The following HOPX variants were observed in gnomAD, a reference collection of about 807,000 sequenced individuals.
HOPX encodes the protein HOP homeobox, also known as homeodomain-only protein.
HOPX carries 5 observed loss-of-function variants against 11.8 expected under a neutral mutation model. That is an observed-to-expected ratio of 0.43 (90% confidence interval 0.22 to 0.89). The LOEUF (loss-of-function observed/expected upper bound fraction) is 0.89. Ranked by LOEUF, HOPX falls within the 40% of genes least tolerant of loss-of-function variation. HOPX has a pLI of 0.28. For missense variants in HOPX, 119 were observed against 120.0 expected, an observed-to-expected ratio of 0.99 and a Z score of 0.04; for synonymous variants, 49 against 49.7, an observed-to-expected ratio of 0.99 and a Z score of 0.06.
At chr4:56,668,670 T>C (rs1456864352) in intron 1 of HOPX, among the ~76,000 whole-genome samples, 2 of 152,270 alleles carry the variant, frequency 1.3e-5, no homozygotes, top group Non-Finnish European at 2.9e-5. Context: ...TGCCTGGCTC[T>C]GAAAGAAGAT....
intron 1 of HOPX, among the ~76,000 whole-genome samples, chr4:56,661,523 G>A (rs1037188910): frequency 1.4e-4 from 22 of 152,252 alleles, no homozygotes; most frequent in Admixed American, 5.2e-4. Flanking sequence ...ACAATATAAC[G>A]TCAACTTGTA....
At chr4:56,675,380 C>T (rs897699308) in intron 1 of HOPX, among the ~76,000 whole-genome samples, 9 of 151,560 alleles carry the variant, frequency 5.9e-5, no homozygotes, top group Non-Finnish European at 1.0e-4. Flanking sequence ...TAGTTCATTG[C>T]TCAGGCCAGG....
chr4:56,657,084 A>G, intron 2 of HOPX, among the ~76,000 whole-genome samples: 1 of 152,224 alleles, frequency 6.6e-6, no homozygotes, highest in East Asian at 1.9e-4. Context: ...ATTTGAAGCA[A>G]CATGACTTCC....
chr4:56,665,499 A>G lies in HOPX; in HGVS notation c.-83-7600T>C, dbSNP rs984002149. On this transcript the variant is annotated intron_variant, in intron 1 of 3. Coordinates refer to ENST00000420433, the MANE Select transcript of HOPX (RefSeq NM_032495.6). ...GCTCTGTGTTCAACAAGGACTAGCC[A>G]AAATGTAAAATTGGAGAAAATAACA... 3 of 152,230 alleles carry G rather than the reference A, an allele frequency of 2.0e-5. No individual in the cohort carries two copies. The East Asian group carries it at 5.8e-4, about 29-fold the overall frequency. 9.4% of individuals were successfully genotyped at this position (152,230 alleles called of 1,614,324 possible). A position where few individuals can be genotyped will look rare whatever the true frequency, so the allele number is the denominator to read the frequency against.
At chr4:56,652,627 G>A (rs1182590610) in intron 3 of HOPX, among the ~76,000 whole-genome samples, 1 of 152,104 alleles carries the variant, frequency 6.6e-6, no homozygotes, top group Non-Finnish European at 1.5e-5. Context: ...AGGCAACATA[G>A]TGAGACCCCC....
intron 3 of HOPX, among the ~76,000 whole-genome samples, chr4:56,653,218 T>A (rs1212257371): frequency 6.6e-6 from 1 of 151,924 alleles, no homozygotes; most frequent in African/African-American, 2.4e-5. Context: ...TTTTACTTTT[T>A]TATTTTTTAT....
chr4:56,670,154 G>A (rs115716099), intron 1 of HOPX, among the ~76,000 whole-genome samples: 2,510 of 152,266 alleles, frequency 0.016, 32 homozygotes, highest in Non-Finnish European at 0.028. Flanking sequence ...ATCTCCAACA[G>A]AGTCAATCCT....
intron 1 of HOPX, among the ~76,000 whole-genome samples, chr4:56,670,956 C>T (rs564839370): frequency 6.6e-6 from 1 of 151,178 alleles, no homozygotes; most frequent in South Asian, 2.1e-4. Context: ...GAGATTGTGC[C>T]GTTGCACTCC....
intron 1 of HOPX, chr4:56,664,956 T>C (rs1179788508): frequency 6.6e-6 from 1 of 152,120 alleles, no homozygotes; most frequent in African/African-American, 2.4e-5. Context: ...CAAATGGAAA[T>C]TCTTTGTTTT....
rs568635492 is a variant in HOPX at position 56,648,766 on chromosome 4, C to T, written c.230G>A (p.Arg77Gln). 8.7e-6 allele frequency: 14 copies of T among 1,610,122 alleles called. No homozygotes were observed. The highest frequency in any genetic ancestry group is 5.5e-5 in the South Asian group (5 of 90,784). ...KWFKQRLAKWRRSEGLPSECR... is the reference protein window; with the variant it reads ...KWFKQRLAKWQRSEGLPSECR... ...CTCTGAGGGCAGGCCTTCTGAGCGC[C>T]GCCACTTTGCCAGGCGCTGCTTAAA... The change falls in exon 4 of 4, where the codon CGG (arginine) becomes CAG (glutamine). Residue 77 changes from arginine to glutamine, a missense_variant. By Grantham distance (43) the Arg-to-Gln change is conservative. Transcript: ENST00000420433.
rs1364069470 is a variant in HOPX, at chr4:56,681,254, C to T, written c.-84+1G>A. 2.1e-5 allele frequency: 21 copies of T among 985,236 alleles called. No individual in the cohort carries two copies. Among genetic ancestry groups the T allele is most frequent in the Non-Finnish European group, 2.4e-5 (20 of 829,914 alleles). The allele number at this position is 985,236 out of a possible 1,614,324, so 61.0% of individuals were successfully genotyped here. A position where few individuals can be genotyped will look rare whatever the true frequency, so the allele number is the denominator to read the frequency against. Reference sequence around the variant, plus strand: ...AAGGCAGACCTTTGAAAGGTACTTACGTGGAAGAGGCAAAGGCAAGCGCAA... The same window carrying T: ...AAGGCAGACCTTTGAAAGGTACTTATGTGGAAGAGGCAAAGGCAAGCGCAA... On this transcript the variant is annotated splice_donor_variant, in intron 1 of 3. Coordinates refer to ENST00000420433, the MANE Select transcript of HOPX (RefSeq NM_032495.6). LOFTEE classifies it low-confidence loss of function (5UTR_SPLICE).
intron 1 of HOPX, among the ~76,000 whole-genome samples, chr4:56,671,203 G>A (rs951435109): frequency 5.9e-5 from 9 of 151,804 alleles, no homozygotes; most frequent in African/African-American, 2.2e-4. Context: ...TGGGTTCTAC[G>A]GTATTTTTGC....
chr4:56,658,285 C>T (rs1314846426), intron 1 of HOPX, among the ~76,000 whole-genome samples: 1 of 152,178 alleles, frequency 6.6e-6, no homozygotes, highest in Non-Finnish European at 1.5e-5. Context: ...ACTGGTCTTA[C>T]ATTTAATTTA....
chr4:56,669,642 GAGC>G (rs1718624366), intron 1 of HOPX, among the ~76,000 whole-genome samples: 1 of 150,224 alleles, frequency 6.7e-6, no homozygotes, highest in African/African-American at 2.5e-5. Context: ...CCGGGTGATA[GAGC>G]AGGACTCTGT....
intron 3 of HOPX, among the ~76,000 whole-genome samples, chr4:56,651,879 T>A (rs1055894731): frequency 1.4e-3 from 167 of 121,606 alleles, no homozygotes; most frequent in African/African-American, 3.2e-3. Flanking sequence ...AGAGAGTGTG[T>A]GTGTGTGTGT....
At chr4:56,653,703 G>A (rs1717420918) in intron 3 of HOPX, among the ~76,000 whole-genome samples, 2 of 152,142 alleles carry the variant, frequency 1.3e-5, no homozygotes, top group Non-Finnish European at 2.9e-5. Flanking sequence ...GGAAGCCAGG[G>A]GCCCTGCTAA....
In HOPX at chr4:56,655,975, G is replaced by A. The variant is rs1331207011; in HGVS notation, c.80C>T (p.Pro27Leu). 1 of 1,608,652 alleles carries A rather than the reference G, an allele frequency of 6.2e-7. No homozygotes were observed. Among genetic ancestry groups the A allele is most frequent in the Non-Finnish European group, 8.5e-7 (1 of 1,177,914 alleles). ...GTMSAETASG[P>L]TEDQVEILEY... is the part of the protein sequence containing the mutation. ...CAGGATTTCCACCTGGTCCTCTGTGGGGCCGCTCGCGGTCTCCGCCGACAT... is the reference window on the plus strand; with the variant it reads ...CAGGATTTCCACCTGGTCCTCTGTGAGGCCGCTCGCGGTCTCCGCCGACAT... Residue 27 changes from proline (P) to leucine (L), a missense_variant, in exon 3 of 4, where the codon CCC (proline) becomes CTC (leucine). Pro to Leu is a moderately conservative substitution (Grantham distance 98, BLOSUM62 -3). Coordinates refer to ENST00000420433, the MANE Select transcript of HOPX (RefSeq NM_032495.6).
intron 3 of HOPX, chr4:56,650,508 G>T: frequency 1.6e-6 from 1 of 614,726 alleles, no homozygotes; most frequent in Non-Finnish European, 2.8e-6. Context: ...AAGGAGCAAG[G>T]CCTAGAGGAG....
chr4:56,656,394 T>C (rs905141320), intron 2 of HOPX: 42 of 998,398 alleles, frequency 4.2e-5, no homozygotes, highest in Non-Finnish European at 4.8e-5. Context: ...TTTTGAGAAA[T>C]CCCCTTAAAA....
Sources: allele counts gnomAD v4.1 joint callset (sites outside exome capture counted in the v4.1 genomes callset), GRCh38; gene constraint gnomAD v4.1.1; transcripts MANE v1.5; gene names NCBI Gene and HGNC (gene_info 2026-07-23, HGNC 2026-07-21).